PALM2AKAP2: variants seen among roughly 807,000 people sequenced by gnomAD.
PALM2AKAP2 encodes the protein PALM2-AKAP2 fusion protein.
In PALM2AKAP2, 37 loss-of-function variants were observed where a neutral mutation model predicts 71.5. The observed-to-expected ratio is 0.52, with a 90% CI of 0.40 to 0.68. The LOEUF is 0.68. Among genes scored for constraint, PALM2AKAP2 ranks in the 30% least tolerant of loss-of-function variants. The pLI, the probability that PALM2AKAP2 is intolerant of heterozygous loss-of-function variation, is 0.00. For missense variants in PALM2AKAP2, 1,224 were observed against 1,191.8 expected (o/e 1.03, Z -0.40); for synonymous variants, 468 against 478.8 (o/e 0.98, Z 0.29).
At chr9:110,079,410 C>G (rs545629193) in intron 1 of PALM2AKAP2, among the ~76,000 whole-genome samples, 90 of 152,178 alleles carry the variant, frequency 5.9e-4, no homozygotes, top group Non-Finnish European at 1.1e-3. Flanking sequence ...GCAGGAGAAT[C>G]GCTTGAACTC....
At chr9:110,015,922 G>C (rs758562196) in intron 6 of PALM2AKAP2, 32 bp from the exon 7 acceptor site, 1 of 1,584,072 alleles carries the variant, frequency 6.3e-7, no homozygotes, top group Non-Finnish European at 8.7e-7. Flanking sequence ...TGAATGACTT[G>C]GCTCAAATGG....
At chr9:109,657,943 TG>T in intron 1 of PALM2AKAP2, among the ~76,000 whole-genome samples, 1 of 106,498 alleles carries the variant, frequency 9.4e-6, no homozygotes, top group African/African-American at 3.7e-5. Context: ...TGTGTTTGTG[TG>T]TGTGTGTGTG....
At chr9:109,972,367 G>A (rs1832084104) in intron 6 of PALM2AKAP2, among the ~76,000 whole-genome samples, 1 of 152,210 alleles carries the variant, frequency 6.6e-6, no homozygotes, top group South Asian at 2.1e-4. Context: ...TGATATAGGA[G>A]GAACAGTGGC....
At chr9:109,840,808 C>T (rs1021252131) in intron 1 of PALM2AKAP2, among the ~76,000 whole-genome samples, 3 of 152,176 alleles carry the variant, frequency 2.0e-5, no homozygotes, top group Non-Finnish European at 4.4e-5. Context: ...CAGATCAAAA[C>T]CACAATGAGA....
chr9:109,984,518 A>C (rs1379022683), intron 6 of PALM2AKAP2, among the ~76,000 whole-genome samples: 1 of 151,042 alleles, frequency 6.6e-6, no homozygotes, highest in African/African-American at 2.4e-5. Context: ...CTACAAAAGA[A>C]TTAAAAAAAA....
chr9:109,721,782 G>A (rs1052277291), intron 1 of PALM2AKAP2, among the ~76,000 whole-genome samples: 1 of 152,192 alleles, frequency 6.6e-6, no homozygotes, highest in Non-Finnish European at 1.5e-5. Flanking sequence ...GTCTTTGGGT[G>A]AAAATATGCT....
intron 6 of PALM2AKAP2, among the ~76,000 whole-genome samples, chr9:110,011,879 C>G (rs1012498791): frequency 6.6e-6 from 1 of 152,072 alleles, no homozygotes; most frequent in Non-Finnish European, 1.5e-5. Flanking sequence ...ACAGACAACT[C>G]TAGCACAAGA....
At chr9:109,776,622 A>G (rs1228889798), upstream of PALM2AKAP2, among the ~76,000 whole-genome samples, 1 of 151,988 alleles carries the variant, frequency 6.6e-6, no homozygotes, top group African/African-American at 2.4e-5. Flanking sequence ...AGTGTCTGAT[A>G]CCTCCCAGCT....
chr9:110,074,155 C>T (rs543595869), intron 1 of PALM2AKAP2, among the ~76,000 whole-genome samples: 75 of 152,228 alleles, frequency 4.9e-4, no homozygotes, highest in South Asian at 2.1e-3. Context: ...CCTCAAATTG[C>T]GGGATGTTCA....
intron 6 of PALM2AKAP2, among the ~76,000 whole-genome samples, chr9:109,947,321 A>G (rs1831531675): frequency 1.3e-5 from 2 of 152,226 alleles, no homozygotes; most frequent in Non-Finnish European, 2.9e-5. Flanking sequence ...TCAAGTTTTT[A>G]TAAAAGGAGG....
At chr9:109,826,518 T>G (rs1249361550) in intron 1 of PALM2AKAP2, among the ~76,000 whole-genome samples, 1 of 152,202 alleles carries the variant, frequency 6.6e-6, no homozygotes, top group African/African-American at 2.4e-5. Context: ...TCAAGAGTTT[T>G]AGAAGATAGT....
chr9:109,879,826 T>C lies in PALM2AKAP2; in HGVS notation c.127-725T>C, dbSNP rs550546901. On this transcript the variant is annotated intron_variant, in intron 2 of 9. Transcript: ENST00000302798. ...ATCCTCCCACCTCAGCCTTCCCAAGTAGCTGGGACTACAGGCGTGCACCAC... is the reference window on the plus strand; with the variant it reads ...ATCCTCCCACCTCAGCCTTCCCAAGCAGCTGGGACTACAGGCGTGCACCAC... Among the ~76,000 whole-genome samples the C allele has an allele frequency of 1.5e-4, 23 of 152,062 alleles. No homozygotes were observed. In the South Asian group the frequency reaches 4.8e-3, roughly 32 times the overall value.
intron 5 of PALM2AKAP2, among the ~76,000 whole-genome samples, chr9:109,926,612 G>T (rs1254618370): frequency 3.3e-5 from 5 of 152,192 alleles, no homozygotes; most frequent in Non-Finnish European, 7.3e-5. Flanking sequence ...TACAGTGCAT[G>T]TCAGGCTGGG....
At chr9:109,867,532 A>G in exon 2 of PALM2AKAP2, 2 of 1,613,108 alleles carry the variant, frequency 1.2e-6, no homozygotes, top group African/African-American at 2.7e-5. Flanking sequence ...GCAAGCGACA[A>G]CAGCTTGACG....
upstream of PALM2AKAP2, among the ~76,000 whole-genome samples, chr9:110,046,196 A>C (rs1833593928): frequency 6.6e-6 from 1 of 152,220 alleles, no homozygotes; most frequent in Admixed American, 6.5e-5. Flanking sequence ...GATTTCATTG[A>C]ACAAATTAAA....
At chr9:109,845,883 C>T (rs1446731583) in intron 1 of PALM2AKAP2, among the ~76,000 whole-genome samples, 1 of 152,148 alleles carries the variant, frequency 6.6e-6, no homozygotes, top group East Asian at 1.9e-4. Flanking sequence ...GTCTACCATG[C>T]ACCAGATGCC....
intron 1 of PALM2AKAP2, among the ~76,000 whole-genome samples, chr9:110,054,088 G>C (rs530472705): frequency 1.6e-4 from 25 of 152,306 alleles, no homozygotes; most frequent in Admixed American, 1.0e-3. Context: ...CAAAATCTTA[G>C]TTCATTCATC....
intron 1 of PALM2AKAP2, among the ~76,000 whole-genome samples, chr9:109,670,685 G>T (rs1467914072): frequency 6.6e-6 from 1 of 152,132 alleles, no homozygotes; most frequent in Non-Finnish European, 1.5e-5. Context: ...GGTCTTTGAG[G>T]AATTGCCACA....
intron 1 of PALM2AKAP2, among the ~76,000 whole-genome samples, chr9:109,726,135 G>T (rs556612004): frequency 6.6e-6 from 1 of 152,310 alleles, no homozygotes; most frequent in South Asian, 2.1e-4. Context: ...TTATGAGTCT[G>T]CCTCCCTCTA....
Sources: gnomAD v4.1 joint callset for allele counts (sites outside exome capture counted in the v4.1 genomes callset) on GRCh38, gnomAD v4.1.1 for gene constraint, MANE v1.5 for transcripts, NCBI Gene and HGNC (gene_info 2026-07-23, HGNC 2026-07-21) for gene names.